The following RAB27B variants were observed in gnomAD, a reference collection of about 807,000 sequenced individuals.
RAB27B encodes ras-related protein Rab-27B.
In RAB27B, 15 loss-of-function variants were observed where a neutral mutation model predicts 24.6. That is an observed-to-expected ratio of 0.61 (90% CI 0.41 to 0.94). RAB27B has a LOEUF of 0.94. RAB27B is among the 40% of genes least tolerant of loss of function. RAB27B has a pLI of 0.00. For missense variants in RAB27B, 261 were observed against 266.8 expected (o/e 0.98, Z 0.15); for synonymous variants, 105 against 92.5 (o/e 1.14, Z -0.78).
Position 54,828,612 on chromosome 18 carries a change from G to A in RAB27B, c.-108G>A, listed in dbSNP as rs1910557558. ...AGATCCTGTCTCCTTGCTGACGGTG[G>A]AGCCCGGGAGTTCCAGGGCTTGGGA... is the stretch of plus-strand genomic sequence containing the variant. On this transcript the variant is annotated 5_prime_UTR_variant, in exon 1 of 6. Transcript: ENST00000262094. 1 of 152,336 alleles carries A rather than the reference G, an allele frequency of 6.6e-6. No homozygotes were observed. The highest frequency in any genetic ancestry group is 1.5e-5 in the Non-Finnish European group (1 of 68,128). 9.4% of individuals were successfully genotyped at this position (152,336 alleles called of 1,614,324 possible). A position where few individuals can be genotyped will look rare whatever the true frequency, so the allele number is the denominator to read the frequency against.
chr18:54,801,708 G>C (rs73960638), intron 2 of RAB27B, among the ~76,000 whole-genome samples: 1,740 of 152,258 alleles, frequency 0.011, 32 homozygotes, highest in African/African-American at 0.04. Flanking sequence ...CTACCACCCA[G>C]TTGTGACAAC....
At chr18:54,835,283 A>C (rs1190029408) in intron 1 of RAB27B, among the ~76,000 whole-genome samples, 1 of 151,940 alleles carries the variant, frequency 6.6e-6, no homozygotes, top group African/African-American at 2.4e-5. Context: ...GGAGTAACTT[A>C]AGCCTCTAAT....
chr18:54,810,284 G>A (rs1026541292), intron 2 of RAB27B, among the ~76,000 whole-genome samples: 3 of 151,942 alleles, frequency 2.0e-5, no homozygotes, highest in Non-Finnish European at 2.9e-5. Context: ...AAATTTGCTC[G>A]AATAAAAATT....
At chr18:54,725,394 G>C (rs1256453504) in intron 2 of RAB27B, among the ~76,000 whole-genome samples, 1 of 151,344 alleles carries the variant, frequency 6.6e-6, no homozygotes, top group Non-Finnish European at 1.5e-5. Flanking sequence ...TGAACTACGT[G>C]ACTTCAATGT....
chr18:54,791,587 C>A (rs1325544189), intron 2 of RAB27B, among the ~76,000 whole-genome samples: 10 of 152,076 alleles, frequency 6.6e-5, no homozygotes, highest in African/African-American at 2.4e-4. Flanking sequence ...TAGAGGAGGG[C>A]GTGGTCCCTG....
chr18:54,893,839 A>G lies in RAB27B; in HGVS notation c.*4426A>G, dbSNP rs527913191. On this transcript the variant is annotated 3_prime_UTR_variant, in exon 6 of 6. Transcript: ENST00000262094. ...AAATTGTGCCCTTAAATACAGCAGA[A>G]CCTGGAGAAGGTCATACTTCAAAGG... The G allele has an allele frequency of 2.6e-5, 4 of 152,110 alleles. No homozygotes were observed. In the East Asian group the frequency reaches 7.7e-4, roughly 29 times the overall value. The allele number at this position is 152,110 out of a possible 1,614,324, so 9.4% of individuals were successfully genotyped here. A position where few individuals can be genotyped will look rare whatever the true frequency, so the allele number is the denominator to read the frequency against.
At chr18:54,755,397 T>G (rs997298039) in intron 2 of RAB27B, among the ~76,000 whole-genome samples, 2 of 151,874 alleles carry the variant, frequency 1.3e-5, no homozygotes, top group African/African-American at 4.8e-5. Context: ...CTCAAAAAAT[T>G]AAATAAATAA....
intron 2 of RAB27B, among the ~76,000 whole-genome samples, chr18:54,784,870 C>T (rs886681513): frequency 3.9e-5 from 6 of 152,252 alleles, no homozygotes; most frequent in Middle Eastern, 3.4e-3. Flanking sequence ...AGACAATGTG[C>T]TACTCTTAAA....
At chr18:54,791,915 G>A (rs1189854321) in intron 2 of RAB27B, among the ~76,000 whole-genome samples, 3 of 152,152 alleles carry the variant, frequency 2.0e-5, no homozygotes, top group African/African-American at 7.2e-5. Context: ...AGTAGGGGCC[G>A]CCAAGCTGCC....
At chr18:54,754,177 G>A (rs756449715) in intron 2 of RAB27B, among the ~76,000 whole-genome samples, 3 of 152,130 alleles carry the variant, frequency 2.0e-5, no homozygotes, top group Non-Finnish European at 4.4e-5. Flanking sequence ...CGCTGTTCTC[G>A]TGATAGGGAG....
At chr18:54,805,952 C>T (rs1172955234) in intron 2 of RAB27B, among the ~76,000 whole-genome samples, 2 of 152,104 alleles carry the variant, frequency 1.3e-5, no homozygotes, top group Admixed American at 6.5e-5. Flanking sequence ...TGAGACAAAC[C>T]CAATTCATGT....
chr18:54,882,483 T>A (rs1912964233), intron 3 of RAB27B, among the ~76,000 whole-genome samples: 1 of 152,122 alleles, frequency 6.6e-6, no homozygotes, highest in Admixed American at 6.6e-5. Context: ...AACAAAGACA[T>A]AGGCAGGCCC....
At chr18:54,801,032 T>TA (rs1555657507) in intron 2 of RAB27B, among the ~76,000 whole-genome samples, 45 of 120,284 alleles carry the variant, frequency 3.7e-4, no homozygotes, top group Admixed American at 9.3e-4. Flanking sequence ...TTTTTTTTTT[T>TA]AACAGAGTCT....
intron 1 of RAB27B, among the ~76,000 whole-genome samples, chr18:54,849,239 C>T (rs1386093400): frequency 6.6e-6 from 1 of 152,228 alleles, no homozygotes; most frequent in Non-Finnish European, 1.5e-5. Flanking sequence ...ACCACTCCCA[C>T]ACCGACATTG....
chr18:54,812,627 T>C (rs1204104457), intron 2 of RAB27B, among the ~76,000 whole-genome samples: 2 of 151,016 alleles, frequency 1.3e-5, no homozygotes, highest in Non-Finnish European at 3.0e-5. Flanking sequence ...TAGTGTTCCA[T>C]GGAAGAGAGT....
intron 2 of RAB27B, among the ~76,000 whole-genome samples, chr18:54,817,392 A>C (rs1910154657): frequency 6.6e-6 from 1 of 152,178 alleles, no homozygotes; most frequent in African/African-American, 2.4e-5. Flanking sequence ...GAAGACCCTC[A>C]AGTTTATAAT....
At chr18:54,863,715 T>A (rs1912098644) in intron 1 of RAB27B, among the ~76,000 whole-genome samples, 1 of 152,230 alleles carries the variant, frequency 6.6e-6, no homozygotes, top group Non-Finnish European at 1.5e-5. Context: ...ATACACTATG[T>A]CTATATGGAT....
At chr18:54,856,660 G>A (rs1440201947) in intron 1 of RAB27B, among the ~76,000 whole-genome samples, 3 of 152,218 alleles carry the variant, frequency 2.0e-5, no homozygotes, top group Non-Finnish European at 4.4e-5. Flanking sequence ...CTGGGCCTGT[G>A]CTGAGCAGAC....
intron 2 of RAB27B, among the ~76,000 whole-genome samples, chr18:54,814,154 T>G (rs1467420628): frequency 6.6e-6 from 1 of 152,188 alleles, no homozygotes; most frequent in East Asian, 1.9e-4. Context: ...AACCAAATCC[T>G]CTATTGTTAG....
Sources: gnomAD v4.1 joint callset for allele counts (sites outside exome capture counted in the v4.1 genomes callset) on GRCh38, gnomAD v4.1.1 for gene constraint, MANE v1.5 for transcripts, NCBI Gene and HGNC (gene_info 2026-07-23, HGNC 2026-07-21) for gene names.